The following PTPRT variants were observed in gnomAD, a reference collection of about 807,000 sequenced individuals.
PTPRT encodes receptor-type tyrosine-protein phosphatase T.
PTPRT carries 56 observed loss-of-function variants against 176.8 expected under a neutral mutation model. The ratio of observed to expected loss-of-function variants is 0.32; its 90% CI spans 0.26 to 0.40. The LOEUF (loss-of-function observed/expected upper bound fraction) is 0.40, where lower values mean the gene tolerates loss of function less well. Ranked by LOEUF, PTPRT falls within the 10% of genes least tolerant of loss-of-function variation. The pLI, the probability that PTPRT is intolerant of heterozygous loss-of-function variation, is 1.00. For synonymous variants in PTPRT, 783 were observed against 739.0 expected, an observed-to-expected ratio of 1.06 and a Z score of -0.96; for missense variants, 1,540 against 1,908.2, an observed-to-expected ratio of 0.81 and a Z score of 3.60.
chr20:43,171,828 C>A (rs1469269543), intron 1 of PTPRT, among the ~76,000 whole-genome samples: 2 of 152,190 alleles, frequency 1.3e-5, no homozygotes, highest in Non-Finnish European at 2.9e-5. Context: ...CATTGAGGAA[C>A]ACAACCATAC....
intron 1 of PTPRT, among the ~76,000 whole-genome samples, chr20:43,169,932 T>C (rs77296977): frequency 0.025 from 3,758 of 152,262 alleles, 173 homozygotes; most frequent in African/African-American, 0.085. Context: ...TAATATCTCT[T>C]TGGTGGCTCA....
intron 1 of PTPRT, among the ~76,000 whole-genome samples, chr20:43,164,236 T>C (rs2014793064): frequency 6.6e-6 from 1 of 152,218 alleles, no homozygotes; most frequent in African/African-American, 2.4e-5. Flanking sequence ...GGCACAGATA[T>C]AGCAGAGGAT....
chr20:42,190,075 T>C (rs1025356323), intron 16 of PTPRT, among the ~76,000 whole-genome samples: 1 of 152,164 alleles, frequency 6.6e-6, no homozygotes, highest in Non-Finnish European at 1.5e-5. Flanking sequence ...GATTGCAAAA[T>C]ATTCAATAAT....
chr20:42,982,539 A>G (rs939379665), intron 1 of PTPRT, among the ~76,000 whole-genome samples: 1 of 152,228 alleles, frequency 6.6e-6, no homozygotes, highest in African/African-American at 2.4e-5. Context: ...CATTAGGAAA[A>G]AGAAAAATCT....
intron 1 of PTPRT, among the ~76,000 whole-genome samples, chr20:42,958,938 C>A (rs981269088): frequency 2.0e-5 from 3 of 152,214 alleles, no homozygotes; most frequent in African/African-American, 7.2e-5. Flanking sequence ...TAATATGATG[C>A]AACCTCCACC....
In PTPRT at chr20:42,342,357, G is replaced by C. The variant is rs147261537; in HGVS notation, c.1865+8271C>G. Among the ~76,000 whole-genome samples, 286 of 152,236 alleles carry C rather than the reference G, an allele frequency of 1.9e-3. 1 individual carries two copies. Among genetic ancestry groups the C allele is most frequent in the African/African-American group, 6.4e-3 (267 of 41,538 alleles). On this transcript the variant is annotated intron_variant, in intron 11 of 30. Transcript: ENST00000373187. Reference sequence around the variant, plus strand: ...AAGTCCCAGCGTGATTTTAGGCATGGCTAAAAGTGGTGTTAACAAAGCTAC... The same window carrying C: ...AAGTCCCAGCGTGATTTTAGGCATGCCTAAAAGTGGTGTTAACAAAGCTAC...
chr20:43,130,813 T>A (rs138750032), intron 1 of PTPRT, among the ~76,000 whole-genome samples: 2,282 of 121,672 alleles, frequency 0.019, 28 homozygotes, highest in Non-Finnish European at 0.03. Context: ...GGAAGGATTT[T>A]CAAAAAAAAA....
chr20:43,044,891 A>C (rs943829484), intron 1 of PTPRT, among the ~76,000 whole-genome samples: 4 of 152,204 alleles, frequency 2.6e-5, no homozygotes, highest in African/African-American at 9.7e-5. Context: ...GCTTTTAACT[A>C]CTCAAAATCA....
intron 2 of PTPRT, among the ~76,000 whole-genome samples, chr20:42,881,909 G>C (rs1428638900): frequency 2.6e-5 from 4 of 152,144 alleles, no homozygotes; most frequent in Non-Finnish European, 2.9e-5. Context: ...AGGTATGAGA[G>C]AGGAGAAGAA....
At chr20:42,143,478 A>AC (rs1009197360) in intron 17 of PTPRT, among the ~76,000 whole-genome samples, 5 of 150,812 alleles carry the variant, frequency 3.3e-5, no homozygotes, top group African/African-American at 1.2e-4. Flanking sequence ...AATGGCGTGA[A>AC]CCCGGGAAGC....
intron 7 of PTPRT, among the ~76,000 whole-genome samples, chr20:42,666,633 T>G (rs957650076): frequency 6.6e-6 from 1 of 152,240 alleles, no homozygotes; most frequent in East Asian, 1.9e-4. Context: ...CTCACAATAT[T>G]AAATTTGCTA....
At chr20:42,266,726 G>A (rs1458016809) in intron 13 of PTPRT, among the ~76,000 whole-genome samples, 3 of 152,108 alleles carry the variant, frequency 2.0e-5, no homozygotes, top group African/African-American at 4.8e-5. Context: ...AGGAATAAAA[G>A]GAACTGAATA....
At chr20:42,234,451 C>T (rs1361787776) in intron 15 of PTPRT, among the ~76,000 whole-genome samples, 10 of 152,200 alleles carry the variant, frequency 6.6e-5, no homozygotes, top group South Asian at 2.1e-4. Context: ...CATATTGTTT[C>T]GTACCTCCGT....
Position 42,164,339 on chromosome 20 carries a change from CT to C in PTPRT, c.2492-2798del, listed in dbSNP as rs1343002151. Among the ~76,000 whole-genome samples the C allele has an allele frequency of 2.6e-5, 4 of 152,284 alleles. No homozygotes were observed. The East Asian group carries it at 5.8e-4, about 22-fold the overall frequency. ...ATAGCTGTCAATATGGATATTTTCCCTAAACACATTGCTAGACAGACTGTAA... is the reference window on the plus strand; with the variant it reads ...ATAGCTGTCAATATGGATATTTTCCCAAACACATTGCTAGACAGACTGTAA... On this transcript the variant is annotated intron_variant, in intron 16 of 30. Coordinates refer to ENST00000373187, the MANE Select transcript of PTPRT (RefSeq NM_007050.6).
chr20:42,812,620 G>A (rs2077715720), intron 2 of PTPRT, among the ~76,000 whole-genome samples: 1 of 151,926 alleles, frequency 6.6e-6, no homozygotes, highest in Admixed American at 6.6e-5. Flanking sequence ...TTATTTATTC[G>A]CTTCAGGATT....
intron 9 of PTPRT, among the ~76,000 whole-genome samples, chr20:42,423,653 A>G (rs1203404545): frequency 6.6e-6 from 1 of 152,216 alleles, no homozygotes; most frequent in East Asian, 1.9e-4. Context: ...ACTTATTTGA[A>G]GGAAATAATT....
At chr20:42,607,242 G>C (rs1034185301) in intron 7 of PTPRT, among the ~76,000 whole-genome samples, 1 of 152,106 alleles carries the variant, frequency 6.6e-6, no homozygotes. Context: ...CATTTTGCAA[G>C]AAAAAGAGTT....
chr20:42,290,166 C>T (rs73257058), intron 12 of PTPRT, among the ~76,000 whole-genome samples: 1,958 of 152,082 alleles, frequency 0.013, 35 homozygotes, highest in African/African-American at 0.046. Context: ...TTATATAAGT[C>T]TCTGGGGAAT....
At chr20:42,849,658 G>A (rs190001140) in intron 2 of PTPRT, among the ~76,000 whole-genome samples, 2 of 152,188 alleles carry the variant, frequency 1.3e-5, no homozygotes, top group East Asian at 3.9e-4. Context: ...ATCATCTTGG[G>A]GAAAAGTCAC....
Sources: gnomAD v4.1 joint callset for allele counts (sites outside exome capture counted in the v4.1 genomes callset) on GRCh38, gnomAD v4.1.1 for gene constraint, MANE v1.5 for transcripts, NCBI Gene and HGNC (gene_info 2026-07-23, HGNC 2026-07-21) for gene names.